The following CDC40 variants were observed in gnomAD, a reference collection of about 807,000 sequenced individuals.
The protein encoded by CDC40 is pre-mRNA-processing factor 17.
In CDC40, 27 loss-of-function variants were observed where a neutral mutation model predicts 80.6. The observed-to-expected ratio is 0.33, with a 90% confidence interval of 0.25 to 0.46. The LOEUF (loss-of-function observed/expected upper bound fraction) is 0.46. CDC40 is among the 20% of genes least tolerant of loss of function. CDC40 has a pLI of 1.00. For synonymous variants in CDC40, 221 were observed against 232.6 expected (o/e 0.95, Z 0.45); for missense variants, 486 against 694.1 (o/e 0.70, Z 3.37).
intron 10 of CDC40, 68 bp from the exon 11 acceptor site, chr6:110,219,296 T>C (rs1777737741): frequency 1.4e-6 from 1 of 727,100 alleles, no homozygotes; most frequent in African/African-American, 1.8e-5. Flanking sequence ...CCTCTAGATC[T>C]TAATCTCACA....
intron 4 of CDC40, 68 bp downstream of exon 4, chr6:110,207,657 C>G: frequency 1.2e-6 from 1 of 843,386 alleles, no homozygotes; most frequent in Non-Finnish European, 2.0e-6. Flanking sequence ...TGCAGAGTGA[C>G]TTTAATTAGA....
At chr6:110,188,828 G>A (rs1309864437) in intron 1 of CDC40, among the ~76,000 whole-genome samples, 1 of 152,170 alleles carries the variant, frequency 6.6e-6, no homozygotes, top group Non-Finnish European at 1.5e-5. Flanking sequence ...GTTCAGTCAT[G>A]GTAAACAATT....
At chr6:110,200,099 C>G (rs1777476309) in intron 2 of CDC40, among the ~76,000 whole-genome samples, 1 of 151,964 alleles carries the variant, frequency 6.6e-6, no homozygotes, top group Admixed American at 6.6e-5. Context: ...CTTGCACTAT[C>G]CATTATAATT....
At chr6:110,213,335 C>T (rs1777659790) in intron 8 of CDC40, among the ~76,000 whole-genome samples, 175 bp downstream of exon 8, 1 of 151,780 alleles carries the variant, frequency 6.6e-6, no homozygotes, top group Non-Finnish European at 1.5e-5. Flanking sequence ...TCAACTATGG[C>T]TCTGTGGTCC....
chr6:110,221,065 A>G (rs1032258843), intron 12 of CDC40, among the ~76,000 whole-genome samples: 24 of 152,196 alleles, frequency 1.6e-4, no homozygotes, highest in Admixed American at 1.0e-3. Context: ...CTAGGGAAAA[A>G]ATATTTTTCT....
At chr6:110,222,021 T>C (rs1777784188) in intron 12 of CDC40, among the ~76,000 whole-genome samples, 1 of 151,862 alleles carries the variant, frequency 6.6e-6, no homozygotes, top group African/African-American at 2.4e-5. Flanking sequence ...TTTGAGAGGC[T>C]GAGTTGGGTG....
intron 12 of CDC40, among the ~76,000 whole-genome samples, chr6:110,221,867 T>C (rs1244313663): frequency 3.1e-4 from 35 of 111,584 alleles, no homozygotes; most frequent in African/African-American, 1.4e-3. Flanking sequence ...GTATGTTTCT[T>C]TTTTTTTTTT....
intron 2 of CDC40, 67 bp downstream of exon 2, chr6:110,193,335 C>G: frequency 1.1e-6 from 1 of 897,372 alleles, no homozygotes; most frequent in South Asian, 1.4e-5. Flanking sequence ...TAATTAGGTG[C>G]AGCAGTGAAT....
At chr6:110,214,010 A>G (rs1025791951) in intron 8 of CDC40, among the ~76,000 whole-genome samples, 3 of 152,198 alleles carry the variant, frequency 2.0e-5, no homozygotes, top group African/African-American at 7.2e-5. Context: ...CCAACCCTAT[A>G]GTGCTCTTGG....
intron 3 of CDC40, among the ~76,000 whole-genome samples, chr6:110,206,291 A>G (rs749020755): frequency 6.6e-6 from 1 of 152,334 alleles, no homozygotes; most frequent in East Asian, 1.9e-4. Context: ...TGGATGAAAA[A>G]TGAAAATAAT....
chr6:110,216,551 G>GAAAT (rs1777702211), intron 9 of CDC40, among the ~76,000 whole-genome samples: 1 of 152,160 alleles, frequency 6.6e-6, no homozygotes, highest in Non-Finnish European at 1.5e-5. Context: ...GTGGAAAACT[G>GAAAT]AAATTTTCCT....
intron 13 of CDC40, among the ~76,000 whole-genome samples, chr6:110,226,626 T>C (rs1777864863): frequency 6.6e-6 from 1 of 150,382 alleles, no homozygotes; most frequent in South Asian, 2.2e-4. Context: ...TTGCCCAGGC[T>C]AGTCTCAAAC....
chr6:110,184,776 G>A (rs938609764), intron 1 of CDC40, among the ~76,000 whole-genome samples: 1 of 152,024 alleles, frequency 6.6e-6, no homozygotes, highest in Admixed American at 6.6e-5. Flanking sequence ...AGCATTACTG[G>A]AGACAAAAGA....
At chr6:110,216,635 C>A (rs954180711) in intron 9 of CDC40, among the ~76,000 whole-genome samples, 2 of 152,174 alleles carry the variant, frequency 1.3e-5, no homozygotes, top group Non-Finnish European at 2.9e-5. Context: ...ATGACACGTA[C>A]CTCCTGATGG....
In CDC40 at chr6:110,193,194, A is replaced by T; in HGVS notation, c.202A>T (p.Thr68Ser). The T allele has an allele frequency of 6.3e-7, 1 of 1,595,556 alleles. No homozygotes were observed. The highest frequency in any genetic ancestry group is 8.6e-7 in the Non-Finnish European group (1 of 1,163,386). Reference protein sequence around the residue: ...PEVAVKEDLETGVHLDPAVKE... With the variant: ...PEVAVKEDLESGVHLDPAVKE... ...GTATTCTTTTTAGGAAGATTTGGAG[A>T]CTGGAGTTCACCTTGACCCTGCCGT... is the stretch of plus-strand genomic sequence containing the variant. The change falls in exon 2 of 15, where the codon ACT becomes TCT. Residue 68 changes from threonine (T) to serine (S), a missense_variant. Transcript: ENST00000307731.
chr6:110,226,516 GTTTTC>G (rs902673218), intron 13 of CDC40, among the ~76,000 whole-genome samples: 4 of 151,806 alleles, frequency 2.6e-5, no homozygotes, highest in Non-Finnish European at 5.9e-5. Context: ...TTAACAATCA[GTTTTC>G]TTTTCTTTTT....
chr6:110,210,425 C>T (rs1584075354), intron 5 of CDC40, among the ~76,000 whole-genome samples: 1 of 151,254 alleles, frequency 6.6e-6, no homozygotes, highest in Non-Finnish European at 1.5e-5. Context: ...TAGTGTGCAC[C>T]GAGTAGTCCC....
At chr6:110,226,505 T>G (rs1225925327) in intron 13 of CDC40, among the ~76,000 whole-genome samples, 1 of 152,180 alleles carries the variant, frequency 6.6e-6, no homozygotes, top group Non-Finnish European at 1.5e-5. Flanking sequence ...CAGATTTTTA[T>G]TTAACAATCA....
chr6:110,192,940 T>G (rs1018305967), intron 1 of CDC40, among the ~76,000 whole-genome samples: 7 of 152,216 alleles, frequency 4.6e-5, no homozygotes, highest in African/African-American at 1.7e-4. Flanking sequence ...TGAGTAATGT[T>G]AACTTATTTA....
Sources: allele counts gnomAD v4.1 joint callset (sites outside exome capture counted in the v4.1 genomes callset), GRCh38; gene constraint gnomAD v4.1.1; transcripts MANE v1.5; gene names NCBI Gene and HGNC (gene_info 2026-07-23, HGNC 2026-07-21).